The following MYO3B variants were observed in gnomAD, a reference collection of about 807,000 sequenced individuals.
MYO3B encodes the protein myosin-IIIb.
In MYO3B, 156 loss-of-function variants were observed where a neutral mutation model predicts 174.6. The ratio of observed to expected loss-of-function variants is 0.89; its 90% CI spans 0.78 to 1.02. The LOEUF (loss-of-function observed/expected upper bound fraction) is 1.02. Ranked by LOEUF, MYO3B falls within the 50% of genes least tolerant of loss-of-function variation. MYO3B has a pLI of 0.00. For missense variants in MYO3B, 1,632 were observed against 1,639.4 expected, an observed-to-expected ratio of 1.00 and a Z score of 0.08; for synonymous variants, 563 against 569.1, an observed-to-expected ratio of 0.99 and a Z score of 0.15.
intron 7 of MYO3B, among the ~76,000 whole-genome samples, chr2:170,268,924 A>G (rs2093404618): frequency 6.6e-6 from 1 of 152,194 alleles, no homozygotes; most frequent in South Asian, 2.1e-4. Flanking sequence ...AAACCACTAT[A>G]CATATAAATC....
At chr2:170,325,829 A>T (rs1448956460) in intron 7 of MYO3B, among the ~76,000 whole-genome samples, 1 of 152,178 alleles carries the variant, frequency 6.6e-6, no homozygotes, top group African/African-American at 2.4e-5. Context: ...TTTCAGTTTG[A>T]GAAAGTCCAC....
intron 8 of MYO3B, chr2:170,341,335 T>C (rs1007442086): frequency 6.6e-6 from 1 of 152,258 alleles, no homozygotes; most frequent in Non-Finnish European, 1.5e-5. Flanking sequence ...CTTGCAGTGA[T>C]AAATATTGTA....
At chr2:170,412,261 G>T (rs1338264101) in intron 22 of MYO3B, 2 of 152,172 alleles carry the variant, frequency 1.3e-5, no homozygotes, top group African/African-American at 4.8e-5. Context: ...GTTTCAAAAA[G>T]AACTTGAAAA....
intron 9 of MYO3B, among the ~76,000 whole-genome samples, chr2:170,374,623 T>C (rs764685765): frequency 7.2e-5 from 11 of 152,076 alleles, no homozygotes; most frequent in Non-Finnish European, 1.6e-4. Flanking sequence ...GTACTGTGCT[T>C]GGAGGGCTTG....
chr2:170,499,703 G>T lies in MYO3B; in HGVS notation c.3184G>T (p.Gly1062Cys). 1 of 1,614,114 alleles carries T rather than the reference G, an allele frequency of 6.2e-7. No individual in the cohort carries two copies. The highest frequency in any genetic ancestry group is 8.5e-7 in the Non-Finnish European group (1 of 1,179,992). The change falls in exon 27 of 35, where the codon GGC becomes TGC. Residue 1062 changes from glycine to cysteine, a missense_variant. Gly to Cys is a radical substitution (Grantham distance 159). Transcript: ENST00000408978. The stretch of plus-strand genomic sequence containing the variant: ...AAATTTGCTGCTTCGAGAAGTCATA[G>T]GCAGAGTGGTTGTGCTGCAGGCATA... ...QLNLLLREVIGRVVVLQAYTK... is the reference protein window; with the variant it reads ...QLNLLLREVICRVVVLQAYTK...
At chr2:170,221,793 C>T (rs981509270) in intron 6 of MYO3B, among the ~76,000 whole-genome samples, 9 of 152,154 alleles carry the variant, frequency 5.9e-5, no homozygotes, top group African/African-American at 1.9e-4. Context: ...TCTCCAACTC[C>T]TAAGCTCAAG....
chr2:170,649,518 T>G (rs1698838216), intron 32 of MYO3B, among the ~76,000 whole-genome samples: 1 of 146,160 alleles, frequency 6.8e-6, no homozygotes, highest in South Asian at 2.1e-4. Flanking sequence ...AAAAAACATT[T>G]CTTCTTAAGA....
intron 32 of MYO3B, among the ~76,000 whole-genome samples, chr2:170,620,867 T>C (rs1695853243): frequency 6.6e-6 from 1 of 152,190 alleles, no homozygotes; most frequent in Non-Finnish European, 1.5e-5. Flanking sequence ...ATCTCTAGCC[T>C]CTCAGGGTGT....
In MYO3B at chr2:170,543,920, C is replaced by G. The variant is rs754148221; in HGVS notation, c.3665C>G (p.Ser1222Cys). 1 of 1,613,290 alleles carries G rather than the reference C, an allele frequency of 6.2e-7. No homozygotes were observed. The highest frequency in any genetic ancestry group is 1.1e-5 in the South Asian group (1 of 91,030). Residue 1222 changes from serine (S) to cysteine (C), a missense_variant, in exon 32 of 35, where the codon TCT becomes TGT. Transcript: ENST00000408978. ...KHSVSGTDLL[S>C]SRICHPAPDQ... is the part of the protein sequence containing the mutation. The stretch of plus-strand genomic sequence containing the variant: ...TCGGTTTCTGGGACTGATTTGCTGT[C>G]TTCTCGGATATGCCATCCTGCTCCA...
chr2:170,486,299 CTTTTTTT>C (rs10715918), intron 25 of MYO3B, among the ~76,000 whole-genome samples: 25 of 99,198 alleles, frequency 2.5e-4, no homozygotes, highest in East Asian at 1.5e-3. Flanking sequence ...AGAATCCATT[CTTTTTTT>C]TTTTTTTTTT....
Position 170,489,634 on chromosome 2 carries a change from GGTGT to G in MYO3B, c.3015-8927_3015-8924del, listed in dbSNP as rs369174830. Among the ~76,000 whole-genome samples the G allele has an allele frequency of 9.4e-3, 1,314 of 139,368 alleles. 10 individuals carry two copies. Among genetic ancestry groups the G allele is most frequent in the Non-Finnish European group, 9.1e-3 (589 of 64,772 alleles). The allele number at this position is 139,368 out of a possible 152,430, so 91.4% of individuals were successfully genotyped here. On this transcript the variant is annotated intron_variant, in intron 25 of 34. Coordinates refer to ENST00000408978, the MANE Select transcript of MYO3B (RefSeq NM_138995.5). The stretch of plus-strand genomic sequence containing the variant: ...TCTCCAGAGAAACAAAACCAGTAGG[GGTGT>G]GTGTGTGTGTGTGTGTGTGTGTGTG...
intron 22 of MYO3B, among the ~76,000 whole-genome samples, chr2:170,420,612 T>C (rs1326746012): frequency 2.0e-5 from 3 of 152,212 alleles, no homozygotes; most frequent in Non-Finnish European, 4.4e-5. Flanking sequence ...CAAATGTTAA[T>C]TACATGGGCT....
chr2:170,197,164 G>C (rs1006229464), intron 1 of MYO3B, among the ~76,000 whole-genome samples: 1 of 151,980 alleles, frequency 6.6e-6, no homozygotes, highest in Admixed American at 6.5e-5. Flanking sequence ...TCAGCAGCAA[G>C]TGCCCAGTGC....
chr2:170,324,197 G>A (rs1286560768), intron 7 of MYO3B, among the ~76,000 whole-genome samples: 1 of 152,152 alleles, frequency 6.6e-6, no homozygotes, highest in Non-Finnish European at 1.5e-5. Context: ...AACCCATAAA[G>A]AGATTAAGTC....
chr2:170,262,715 C>T (rs1407363717), intron 7 of MYO3B, among the ~76,000 whole-genome samples: 1 of 152,074 alleles, frequency 6.6e-6, no homozygotes, highest in Non-Finnish European at 1.5e-5. Context: ...TCTGGGGGTC[C>T]CAGTCAGAAC....
intron 32 of MYO3B, among the ~76,000 whole-genome samples, chr2:170,624,507 G>C (rs1033962586): frequency 6.6e-6 from 1 of 152,202 alleles, no homozygotes; most frequent in Admixed American, 6.5e-5. Flanking sequence ...CATGTCATCT[G>C]CAAACAGGGA....
intron 22 of MYO3B, among the ~76,000 whole-genome samples, chr2:170,429,445 T>G (rs186119442): frequency 9.8e-5 from 15 of 152,352 alleles, no homozygotes; most frequent in Admixed American, 5.9e-4. Flanking sequence ...CAGTGACTTA[T>G]GATACCTTAG....
At chr2:170,469,296 C>T (rs1320978484) in intron 25 of MYO3B, among the ~76,000 whole-genome samples, 1 of 152,168 alleles carries the variant, frequency 6.6e-6, no homozygotes, top group Non-Finnish European at 1.5e-5. Flanking sequence ...ACCTGCATGA[C>T]AAGAAGGCAG....
chr2:170,573,227 GTA>G (rs34137139), intron 32 of MYO3B, among the ~76,000 whole-genome samples: 8,096 of 46,280 alleles, frequency 0.17, 616 homozygotes, highest in African/African-American at 0.35. Flanking sequence ...TATACTGTGT[GTA>G]TATATATATA....
Sources: allele counts gnomAD v4.1 joint callset (sites outside exome capture counted in the v4.1 genomes callset), GRCh38; gene constraint gnomAD v4.1.1; transcripts MANE v1.5; gene names NCBI Gene and HGNC (gene_info 2026-07-23, HGNC 2026-07-21).